The following CDKL4 variants were observed in gnomAD, a reference collection of about 807,000 sequenced individuals.
CDKL4 encodes cyclin dependent kinase like 4, also known as cyclin-dependent kinase-like 4.
Under a neutral mutation model 42.0 loss-of-function variants are expected in CDKL4, and 44 were observed. The observed-to-expected ratio is 1.05, with a 90% CI of 0.82 to 1.35. CDKL4 has a LOEUF of 1.35. Among genes scored for constraint, CDKL4 ranks in the 40% most tolerant of loss-of-function variants. The pLI is 0.00. For synonymous variants in CDKL4, 120 were observed against 121.6 expected (o/e 0.99, Z 0.09); for missense variants, 393 against 369.9 (o/e 1.06, Z -0.51).
intron 5 of CDKL4, among the ~76,000 whole-genome samples, chr2:39,197,603 C>T (rs1202865850): frequency 6.6e-6 from 1 of 152,118 alleles, no homozygotes; most frequent in Non-Finnish European, 1.5e-5. Flanking sequence ...GCATCAGGTA[C>T]TATAAAGGAA....
intron 8 of CDKL4, among the ~76,000 whole-genome samples, chr2:39,183,020 G>A (rs527517830): frequency 3.2e-4 from 48 of 152,290 alleles, no homozygotes; most frequent in Admixed American, 2.0e-3. Flanking sequence ...AGTGGCTTAC[G>A]CCTGTAATCT....
At chr2:39,224,498 AT>A (rs1171458286) in intron 3 of CDKL4, among the ~76,000 whole-genome samples, 1,391 of 132,626 alleles carry the variant, frequency 0.01, 3 homozygotes, top group Non-Finnish European at 0.015. Flanking sequence ...TTCTCCACTA[AT>A]TTTTTTTTTT....
chr2:39,210,089 G>C (rs1397787182), intron 4 of CDKL4, among the ~76,000 whole-genome samples: 2 of 152,264 alleles, frequency 1.3e-5, no homozygotes. Flanking sequence ...TCGAGTTCAA[G>C]TGATTCTCCC....
chr2:39,190,646 A>C, intron 5 of CDKL4, 144 bp from the exon 6 acceptor site: 1 of 661,920 alleles, frequency 1.5e-6, no homozygotes, highest in Non-Finnish European at 2.6e-6. Flanking sequence ...CTAATTGAGG[A>C]AACAGTTACT....
At position 39,185,265 on chromosome 2, in the gene CDKL4, C is replaced by CAT. The variant is rs1164447985; in HGVS notation, c.736-620_736-619dup. Among the ~76,000 whole-genome samples, 29 of 19,324 alleles carry CAT rather than the reference C, an allele frequency of 1.5e-3. 11 individuals carry two copies. Among genetic ancestry groups the CAT allele is most frequent in the African/African-American group, 3.7e-3 (28 of 7,576 alleles). The allele number at this position is 19,324 out of a possible 152,430, so 12.7% of individuals were successfully genotyped here. A position where few individuals can be genotyped will look rare whatever the true frequency, so the allele number is the denominator to read the frequency against. ...ACATATATACACATATGTATATATACATATATATACACATATGTATATATA... is the reference window on the plus strand; with the variant it reads ...ACATATATACACATATGTATATATACATATATATATACACATATGTATATATA... On this transcript the variant is annotated intron_variant, in intron 7 of 9. Coordinates refer to ENST00000451199, the Ensembl canonical transcript of CDKL4.
intron 5 of CDKL4, among the ~76,000 whole-genome samples, chr2:39,199,311 A>T (rs1285395815): frequency 6.6e-6 from 1 of 152,176 alleles, no homozygotes; most frequent in Non-Finnish European, 1.5e-5. Context: ...ACCTCTGAAC[A>T]GACCAATAAG....
intron 5 of CDKL4, among the ~76,000 whole-genome samples, chr2:39,202,446 A>G (rs890481004): frequency 2.0e-5 from 3 of 152,198 alleles, no homozygotes; most frequent in Admixed American, 1.3e-4. Flanking sequence ...TTTATTAGGT[A>G]TAAATTTACT....
chr2:39,178,767 T>G, intron 9 of CDKL4: 1 of 1,594,878 alleles, frequency 6.3e-7, no homozygotes, highest in Non-Finnish European at 8.5e-7. Context: ...CTGCTGTGGG[T>G]GAAAAGATGG....
intron 9 of CDKL4, 98 bp from the exon 10 acceptor site, chr2:39,176,194 G>A (rs529679653): frequency 1.1e-5 from 4 of 359,268 alleles, no homozygotes; most frequent in East Asian, 1.5e-4. Flanking sequence ...GATACTTATG[G>A]TACAAAGATG....
chr2:39,170,346 A>G, the CDKL4 span, among the ~76,000 whole-genome samples: 1 of 152,028 alleles, frequency 6.6e-6, no homozygotes, highest in South Asian at 2.1e-4. Flanking sequence ...ACAAACAAAC[A>G]CATATGCAGA....
intron 9 of CDKL4, among the ~76,000 whole-genome samples, chr2:39,176,325 T>A (rs921456709): frequency 3.3e-5 from 5 of 152,230 alleles, no homozygotes; most frequent in African/African-American, 1.2e-4. Flanking sequence ...CTACTATTTA[T>A]TTCAGTACAC....
chr2:39,187,508 G>A (rs1675895174), intron 7 of CDKL4, 119 bp downstream of exon 7: 1 of 684,542 alleles, frequency 1.5e-6, no homozygotes, highest in Middle Eastern at 4.0e-4. Flanking sequence ...CCTTGCCACT[G>A]CACTCCAGCC....
intron 3 of CDKL4, among the ~76,000 whole-genome samples, chr2:39,225,425 T>G (rs931292667): frequency 6.6e-6 from 1 of 151,676 alleles, no homozygotes; most frequent in Non-Finnish European, 1.5e-5. Context: ...AACTATTCTT[T>G]TAATCCTAGA....
intron 3 of CDKL4, among the ~76,000 whole-genome samples, chr2:39,222,454 G>A (rs1007394299): frequency 1.3e-5 from 2 of 152,068 alleles, no homozygotes; most frequent in Admixed American, 6.6e-5. Context: ...GCCGGGCATG[G>A]TAGCGGGTCC....
At chr2:39,233,862 C>T (rs2148401238) in intron 1 of CDKL4, among the ~76,000 whole-genome samples, 1 of 142,014 alleles carries the variant, frequency 7.0e-6, no homozygotes, top group East Asian at 2.0e-4. Context: ...CACAAGTGGA[C>T]AAAAATTATT....
downstream of CDKL4, among the ~76,000 whole-genome samples, chr2:39,171,646 G>T (rs1028885091): frequency 1.3e-5 from 2 of 152,150 alleles, no homozygotes; most frequent in Non-Finnish European, 2.9e-5. Flanking sequence ...CTAAGAATAG[G>T]CAAAGTCTGC....
At chr2:39,187,964 A>G (rs1187629808) in intron 6 of CDKL4, among the ~76,000 whole-genome samples, 3 of 152,062 alleles carry the variant, frequency 2.0e-5, no homozygotes, top group Admixed American at 2.0e-4. Context: ...GCTACTCAGG[A>G]GGCTGAGGCA....
intron 7 of CDKL4, among the ~76,000 whole-genome samples, chr2:39,187,077 G>A (rs933476328): frequency 6.6e-6 from 1 of 151,976 alleles, no homozygotes; most frequent in African/African-American, 2.4e-5. Flanking sequence ...TCATGACGGG[G>A]GTTCCTCCAT....
At chr2:39,243,603 G>A (rs1013631749) in intron 1 of CDKL4, among the ~76,000 whole-genome samples, 11 of 152,214 alleles carry the variant, frequency 7.2e-5, no homozygotes, top group African/African-American at 2.4e-4. Flanking sequence ...GTAGGCCTCC[G>A]CCTTGCGCGC....
Sources: allele counts gnomAD v4.1 joint callset (sites outside exome capture counted in the v4.1 genomes callset), GRCh38; gene constraint gnomAD v4.1.1; transcripts MANE v1.5; gene names NCBI Gene and HGNC (gene_info 2026-07-23, HGNC 2026-07-21).